Variants in FSIP1 observed in about 807,000 individuals in gnomAD.
The protein encoded by FSIP1 is fibrous sheath interacting protein 1, also known as fibrous sheath-interacting protein 1.
A neutral mutation model predicts 60.9 loss-of-function variants in FSIP1; 65 were observed. The observed-to-expected ratio is 1.07, with a 90% CI of 0.87 to 1.31. The LOEUF is 1.31. Among genes scored for constraint, FSIP1 ranks in the 40% most tolerant of loss-of-function variants. The probability of loss-of-function intolerance (pLI) is 0.00; values close to 1 mark genes in which losing one functional copy is unlikely to be tolerated. For missense variants in FSIP1, 675 were observed against 665.5 expected, an observed-to-expected ratio of 1.01 and a Z score of -0.16; for synonymous variants, 209 against 221.2, an observed-to-expected ratio of 0.94 and a Z score of 0.49.
chr15:39,665,120 C>A (rs766638314), intron 10 of FSIP1, among the ~76,000 whole-genome samples: 1 of 152,192 alleles, frequency 6.6e-6, no homozygotes, highest in African/African-American at 2.4e-5. Flanking sequence ...ATGACCCCAG[C>A]TGCATCCAGG....
At chr15:39,764,889 C>G (rs1241516378) in intron 4 of FSIP1, among the ~76,000 whole-genome samples, 1 of 152,158 alleles carries the variant, frequency 6.6e-6, no homozygotes, top group African/African-American at 2.4e-5. Flanking sequence ...TATCTCCAAA[C>G]TATAAGGCTG....
At chr15:39,757,662 G>A (rs1052270227) in intron 5 of FSIP1, among the ~76,000 whole-genome samples, 1 of 151,986 alleles carries the variant, frequency 6.6e-6, no homozygotes, top group Non-Finnish European at 1.5e-5. Flanking sequence ...ACAGCAAGCA[G>A]GAAATTTCAT....
At chr15:39,723,001 C>T (rs1376124623) in intron 9 of FSIP1, among the ~76,000 whole-genome samples, 1 of 151,974 alleles carries the variant, frequency 6.6e-6, no homozygotes, top group East Asian at 1.9e-4. Context: ...TACGTATACT[C>T]AATACCTCCC....
intron 2 of FSIP1, among the ~76,000 whole-genome samples, chr15:39,774,766 A>G (rs534406388): frequency 6.6e-6 from 1 of 152,340 alleles, no homozygotes; most frequent in South Asian, 2.1e-4. Flanking sequence ...AGTTCCTGAT[A>G]GGAAGCTGGC....
chr15:39,769,048 G>T (rs1897787798), intron 3 of FSIP1, among the ~76,000 whole-genome samples: 1 of 152,140 alleles, frequency 6.6e-6, no homozygotes, highest in Admixed American at 6.5e-5. Flanking sequence ...GGGAGGCCGA[G>T]GCGGGCAGAT....
intron 10 of FSIP1, among the ~76,000 whole-genome samples, chr15:39,704,143 C>T (rs1474695302): frequency 6.6e-6 from 1 of 152,210 alleles, no homozygotes; most frequent in East Asian, 1.9e-4. Context: ...TGCATCATTA[C>T]ACACACCTGC....
At chr15:39,677,787 A>G (rs892070162) in intron 10 of FSIP1, among the ~76,000 whole-genome samples, 32 of 152,094 alleles carry the variant, frequency 2.1e-4, no homozygotes, top group African/African-American at 7.2e-4. Flanking sequence ...CACGAGGTCA[A>G]GAGATGGAGA....
intron 10 of FSIP1, among the ~76,000 whole-genome samples, chr15:39,655,173 G>T (rs1893023985): frequency 6.6e-6 from 1 of 152,032 alleles, no homozygotes; most frequent in Non-Finnish European, 1.5e-5. Context: ...TCTCCTTATT[G>T]GCAATGGTGA....
At chr15:39,756,956 A>G (rs1198833995) in intron 5 of FSIP1, among the ~76,000 whole-genome samples, 3 of 152,138 alleles carry the variant, frequency 2.0e-5, no homozygotes, top group Admixed American at 6.5e-5. Context: ...ACATGACTCC[A>G]GAAATACAAT....
intron 10 of FSIP1, among the ~76,000 whole-genome samples, chr15:39,678,528 C>T (rs913566494): frequency 6.6e-6 from 1 of 151,956 alleles, no homozygotes; most frequent in African/African-American, 2.4e-5. Context: ...TAAAAACATT[C>T]GTATTTAGAG....
At chr15:39,713,973 G>A (rs1895638063) in intron 9 of FSIP1, among the ~76,000 whole-genome samples, 1 of 152,184 alleles carries the variant, frequency 6.6e-6, no homozygotes, top group Non-Finnish European at 1.5e-5. Flanking sequence ...ATTATTAGAA[G>A]CAGCTGTGTA....
chr15:39,603,484 G>A (rs1203723899), intron 11 of FSIP1, among the ~76,000 whole-genome samples: 1 of 152,220 alleles, frequency 6.6e-6, no homozygotes, highest in Non-Finnish European at 1.5e-5. Flanking sequence ...TAAATGCCAG[G>A]CCGGCTCAAG....
At chr15:39,692,974 G>A (rs1038174703) in intron 10 of FSIP1, among the ~76,000 whole-genome samples, 2 of 152,278 alleles carry the variant, frequency 1.3e-5, no homozygotes, top group African/African-American at 2.4e-5. Context: ...CATGCCCTCC[G>A]CTCACTTCCC....
intron 10 of FSIP1, among the ~76,000 whole-genome samples, chr15:39,685,475 A>T (rs1894329566): frequency 1.3e-5 from 2 of 152,234 alleles, no homozygotes; most frequent in Admixed American, 1.3e-4. Flanking sequence ...TGGCAAAGGA[A>T]ACCTCAAAGA....
chr15:39,615,419 A>C (rs1891189209), intron 11 of FSIP1, among the ~76,000 whole-genome samples: 1 of 148,770 alleles, frequency 6.7e-6, no homozygotes, highest in South Asian at 2.1e-4. Context: ...AATAGCAAAA[A>C]AAAAAAAAAA....
chr15:39,657,931 T>C (rs1893134906), intron 10 of FSIP1, among the ~76,000 whole-genome samples: 1 of 152,200 alleles, frequency 6.6e-6, no homozygotes. Flanking sequence ...GCCTCAAGGT[T>C]TGGGCCATTC....
intron 10 of FSIP1, among the ~76,000 whole-genome samples, chr15:39,654,059 G>C (rs1892978742): frequency 6.6e-6 from 1 of 152,086 alleles, no homozygotes; most frequent in Non-Finnish European, 1.5e-5. Flanking sequence ...GGTCTTCAGG[G>C]GCAGTAACAA....
At chr15:39,609,726 T>C (rs1220442095) in intron 11 of FSIP1, among the ~76,000 whole-genome samples, 2 of 152,176 alleles carry the variant, frequency 1.3e-5, no homozygotes, top group Non-Finnish European at 2.9e-5. Flanking sequence ...ACAGCAGTAC[T>C]TCCCAGCCAG....
At chr15:39,601,118 G>A (rs533234934) in intron 11 of FSIP1, among the ~76,000 whole-genome samples, 192 bp from the exon 12 acceptor site, 35 of 152,304 alleles carry the variant, frequency 2.3e-4, no homozygotes, top group Admixed American at 7.2e-4. Context: ...AGATCAGGGC[G>A]CCTACTCTCA....
Sources: allele counts gnomAD v4.1 joint callset (sites outside exome capture counted in the v4.1 genomes callset), GRCh38; gene constraint gnomAD v4.1.1; transcripts MANE v1.5; gene names NCBI Gene and HGNC (gene_info 2026-07-23, HGNC 2026-07-21).